Variants in CHRD observed in about 807,000 individuals in gnomAD.
The protein encoded by CHRD is chordin.
Under a neutral mutation model 113.7 loss-of-function variants are expected in CHRD, and 69 were observed. The ratio of observed to expected loss-of-function variants is 0.61; its 90% CI spans 0.50 to 0.74. The LOEUF (loss-of-function observed/expected upper bound fraction) is 0.74, where lower values mean the gene tolerates loss of function less well. Among genes scored for constraint, CHRD ranks in the 30% least tolerant of loss-of-function variants. CHRD has a pLI of 0.00. For synonymous variants in CHRD, 561 were observed against 540.8 expected, an observed-to-expected ratio of 1.04 and a Z score of -0.52; for missense variants, 1,194 against 1,295.8, an observed-to-expected ratio of 0.92 and a Z score of 1.21.
At chr3:184,389,782 G>A (rs1308686107) in exon 23 of CHRD, 4 of 220,186 alleles carry the variant, frequency 1.8e-5, no homozygotes, top group African/African-American at 9.0e-5. Flanking sequence ...GCTGAGCAGA[G>A]TCATTATTGG....
At chr3:184,383,629 C>A in exon 12 of CHRD, 1 of 1,611,228 alleles carries the variant, frequency 6.2e-7, no homozygotes, top group Non-Finnish European at 8.5e-7. Context: ...GGACTCCAGC[C>A]AGGAGGACAC....
chr3:184,382,587 A>G, intron 7 of CHRD, 47 bp from the exon 8 acceptor site: 1 of 1,610,464 alleles, frequency 6.2e-7, no homozygotes, highest in Admixed American at 1.7e-5. Flanking sequence ...CACCCAGGAA[A>G]GGGGGGGAGG....
Position 184,386,028 on chromosome 3 carries a change from T to C in CHRD, c.1819-18T>C, listed in dbSNP as rs752064235. ...CCTAAAGTGCCTTATTCCTATCCAT[T>C]GTCCTGTCTATGTGCAGGCCCAGGG... On this transcript the variant is annotated intron_variant, in intron 14 of 22. Transcript: ENST00000204604. 6.8e-6 allele frequency: 11 copies of C among 1,613,858 alleles called. No homozygotes were observed. The South Asian group carries it at 9.9e-5, about 15-fold the overall frequency.
In CHRD at chr3:184,385,245, A is replaced by G. The variant is rs1182480776; in HGVS notation, c.1818+7A>G. 1 of 1,603,756 alleles carries G rather than the reference A, an allele frequency of 6.2e-7. No individual in the cohort carries two copies. Among genetic ancestry groups the G allele is most frequent in the South Asian group, 1.1e-5 (1 of 90,906 alleles). On this transcript the variant is annotated splice_region_variant and intron_variant, in intron 14 of 22. Coordinates refer to ENST00000204604, the Ensembl canonical transcript of CHRD. ...GGGATTCTATGGCTCAGAGGTAAGG[A>G]TGTGATGGTAGGCGGCAGCTTGGAA...
Position 184,380,450 on chromosome 3 carries a change from C to T in CHRD, c.132C>T (p.Pro44=), listed in dbSNP as rs900399850. 170 of 1,219,024 alleles carry T rather than the reference C, an allele frequency of 1.4e-4. 1 individual carries two copies. The African/African-American group carries it at 1.9e-3, about 13-fold the overall frequency. 75.5% of individuals were successfully genotyped at this position (1,219,024 alleles called of 1,614,324 possible). The change falls in exon 1 of 23, where the codon CCC becomes CCT. Residue 44 remains proline (P), a synonymous_variant. Transcript: ENST00000204604. The surrounding 1 kb of genome is among the most constrained non-coding windows in gnomAD (Gnocchi z 6.3). ...TCCGTTCTGAGAAGGAGCCGCTGCC[C>T]GTTCGGGGAGCGGCAGGTAGGTGGG... is the stretch of plus-strand genomic sequence containing the variant.
Position 184,388,053 on chromosome 3 carries a change from A to ACTGAGGC in CHRD, c.2554+23_2554+29dup. ...GTCCAGGTGAGAGAGGTGGCTGAGC[A>ACTGAGGC]CTGAGGCCTCACCTTTGGGTTGAGG... On this transcript the variant is annotated intron_variant, in intron 20 of 22. Transcript: ENST00000204604. The surrounding 1 kb of genome is among the most constrained non-coding windows in gnomAD (Gnocchi z 6.1). The ACTGAGGC allele has an allele frequency of 2.5e-6, 4 of 1,605,348 alleles. No individual in the cohort carries two copies. The highest frequency in any genetic ancestry group is 3.4e-6 in the Non-Finnish European group (4 of 1,174,936).
rs751313256 is a variant in CHRD, at chr3:184,385,061, GA to G, written c.1643del (p.Lys548ArgfsTer52). On this transcript the variant is annotated frameshift_variant, in exon 14 of 23. Transcript: ENST00000204604. LOFTEE classifies it high-confidence loss of function. ...CAGGAGCCCTGGTGCTACCCCCTGT[GA>G]AGAGCCAAGCAGCAGGGCACGCCTG... The G allele has an allele frequency of 6.2e-7, 1 of 1,614,148 alleles. No homozygotes were observed. Among genetic ancestry groups the G allele is most frequent in the Non-Finnish European group, 8.5e-7 (1 of 1,180,012 alleles).
intron 22 of CHRD, 106 bp downstream of exon 22, chr3:184,389,101 C>T: frequency 2.5e-6 from 2 of 806,764 alleles, no homozygotes; most frequent in Non-Finnish European, 4.0e-6. Context: ...AACAGTGCAG[C>T]CTGCCTCACA....
At chr3:184,382,799 G>T in intron 8 of CHRD, 25 bp downstream of exon 8, 1 of 1,613,290 alleles carries the variant, frequency 6.2e-7, no homozygotes, top group Non-Finnish European at 8.5e-7. Flanking sequence ...GGCAAAACAC[G>T]TGAGAAGGTT....
chr3:184,383,967 G>C (rs1416152590), intron 12 of CHRD, among the ~76,000 whole-genome samples: 1 of 152,012 alleles, frequency 6.6e-6, no homozygotes, highest in East Asian at 1.9e-4. Flanking sequence ...AGTAGAGACG[G>C]GGTTTCACCG....
chr3:184,382,110 C>G (rs1715537424), intron 6 of CHRD, 90 bp downstream of exon 6: 5 of 1,515,372 alleles, frequency 3.3e-6, no homozygotes, highest in Admixed American at 3.7e-5. Flanking sequence ...CTCACCACAG[C>G]CCAGTGGGAG....
chr3:184,385,621 G>C (rs1377496045), intron 14 of CHRD, among the ~76,000 whole-genome samples: 4 of 139,022 alleles, frequency 2.9e-5, no homozygotes, highest in Admixed American at 8.4e-5. Flanking sequence ...AGCCGAGATG[G>C]CGCCATTGCA....
At chr3:184,386,882 C>G (rs368225894) in exon 17 of CHRD, 1 of 1,614,208 alleles carries the variant, frequency 6.2e-7, no homozygotes, top group Non-Finnish European at 8.5e-7. Context: ...GTGTGCCCAC[C>G]GCCCAGCTGC....
intron 10 of CHRD, 66 bp downstream of exon 10, chr3:184,383,229 G>T: frequency 6.3e-7 from 1 of 1,589,728 alleles, no homozygotes; most frequent in Non-Finnish European, 8.6e-7. Context: ...AAGTGCCAGG[G>T]TGGGTGTGGG....
At chr3:184,383,100 G>A (rs1303708992) in exon 10 of CHRD, 2 of 1,611,728 alleles carry the variant, frequency 1.2e-6, no homozygotes, top group Admixed American at 1.7e-5. Context: ...GATGGCCCTG[G>A]AGTGGGCAGG....
chr3:184,384,789 C>T lies in CHRD; in HGVS notation c.1597+96C>T, dbSNP rs1197720026. The T allele has an allele frequency of 6.9e-7, 1 of 1,448,310 alleles. No individual in the cohort carries two copies. Among genetic ancestry groups the T allele is most frequent in the Non-Finnish European group, 9.2e-7 (1 of 1,091,390 alleles). 89.7% of individuals were successfully genotyped at this position (1,448,310 alleles called of 1,614,324 possible). A position where few individuals can be genotyped will look rare whatever the true frequency, so the allele number is the denominator to read the frequency against. On this transcript the variant is annotated intron_variant, in intron 13 of 22. Coordinates refer to ENST00000204604, the Ensembl canonical transcript of CHRD. The surrounding 1 kb of genome is among the most constrained non-coding windows in gnomAD (Gnocchi z 4.4). Reference sequence around the variant, plus strand: ...GAGCCTGGTGTGTCTTTCTTTGTGCCTAAGCTCCGGTTGCCATCTGAAGGT... The same window carrying T: ...GAGCCTGGTGTGTCTTTCTTTGTGCTTAAGCTCCGGTTGCCATCTGAAGGT...
intron 14 of CHRD, 94 bp downstream of exon 14, chr3:184,385,332 C>T (rs1716114380): frequency 1.1e-6 from 1 of 904,742 alleles, no homozygotes; most frequent in East Asian, 2.5e-5. Context: ...AGAGAGCAGG[C>T]AGCCTGGTAT....
At chr3:184,389,744 C>T in exon 23 of CHRD, 1 of 293,654 alleles carries the variant, frequency 3.4e-6, no homozygotes, top group East Asian at 6.3e-5. Context: ...ACCAAGGGCC[C>T]CCGACACTCC....
exon 11 of CHRD, chr3:184,383,380 A>C (rs1715777883): frequency 6.2e-7 from 1 of 1,613,912 alleles, no homozygotes; most frequent in Admixed American, 1.7e-5. Context: ...CGGCTCAGCC[A>C]GCCTCACGCT....
Sources: allele counts gnomAD v4.1 joint callset (sites outside exome capture counted in the v4.1 genomes callset), GRCh38; gene constraint gnomAD v4.1.1; non-coding constraint Gnocchi (gnomAD v3.1); transcripts MANE v1.5; gene names NCBI Gene and HGNC (gene_info 2026-07-23, HGNC 2026-07-21).